GMEB2: variants seen among roughly 807,000 people sequenced by gnomAD.
GMEB2 encodes the protein glucocorticoid modulatory element-binding protein 2.
In GMEB2, 7 loss-of-function variants were observed where a neutral mutation model predicts 45.7. That is an observed-to-expected ratio of 0.15 (90% CI 0.09 to 0.29). The LOEUF (loss-of-function observed/expected upper bound fraction) is 0.29, where lower values mean the gene tolerates loss of function less well. Among genes scored for constraint, GMEB2 ranks in the 10% least tolerant of loss-of-function variants. The pLI, the probability that GMEB2 is intolerant of heterozygous loss-of-function variation, is 1.00. For missense variants in GMEB2, 582 were observed against 739.2 expected (o/e 0.79, Z 2.47); for synonymous variants, 322 against 323.6 (o/e 1.00, Z 0.05).
intron 2 of GMEB2, among the ~76,000 whole-genome samples, chr20:63,616,721 T>TCC (rs1481109945): frequency 6.6e-6 from 1 of 152,058 alleles, no homozygotes; most frequent in East Asian, 1.9e-4. Context: ...CCAAAAGATG[T>TCC]CCCACCCTCA....
chr20:63,611,291 G>C (rs944079029), intron 2 of GMEB2, among the ~76,000 whole-genome samples: 1 of 152,216 alleles, frequency 6.6e-6, no homozygotes, highest in African/African-American at 2.4e-5. Flanking sequence ...GGAAACCTTG[G>C]CAGGACCTTA....
At position 63,623,566 on chromosome 20, in the gene GMEB2, C is replaced by T. The variant is rs1361226252; in HGVS notation, c.-58+3390G>A. ...GTAATCCCAGCACTTTGGGAGGCCGCGGCGGGTGGATCATAAGGTCAGAAG... is the reference window on the plus strand; with the variant it reads ...GTAATCCCAGCACTTTGGGAGGCCGTGGCGGGTGGATCATAAGGTCAGAAG... On this transcript the variant is annotated intron_variant, in intron 1 of 9. Coordinates refer to ENST00000370077, the MANE Select transcript of GMEB2 (RefSeq NM_012384.5). Among the ~76,000 whole-genome samples the T allele has an allele frequency of 2.7e-5, 4 of 149,530 alleles. No homozygotes were observed. The East Asian group carries it at 8.0e-4, about 30-fold the overall frequency.
In GMEB2 at chr20:63,626,774, G is replaced by A. The variant is rs866129365; in HGVS notation, c.-58+182C>T. 2.2e-3 allele frequency among the ~76,000 whole-genome samples: 314 copies of A among 145,802 alleles called. 2 individuals are homozygous for A. Among genetic ancestry groups the A allele is most frequent in the African/African-American group, 7.6e-3 (306 of 40,512 alleles). On this transcript the variant is annotated intron_variant, in intron 1 of 9. Transcript: ENST00000370077. ...GCCCGCGCCCGCCACCGCCCGCGCCGCCCGCCTGACGCCGCCGTTGCGCCT... is the reference window on the plus strand; with the variant it reads ...GCCCGCGCCCGCCACCGCCCGCGCCACCCGCCTGACGCCGCCGTTGCGCCT...
rs562624795 is a variant in GMEB2, at chr20:63,593,532, G to C, written c.620-450C>G. On this transcript the variant is annotated intron_variant, in intron 6 of 9. Transcript: ENST00000370077. This position sits in a 1 kb window ranked among gnomAD's most constrained non-coding sequence, Gnocchi z 4.7. ...CCTCTTCAAGTGATGCTTCATTGAA[G>C]TCATCATAAATCTCAGTATCTATCA... is the stretch of plus-strand genomic sequence containing the variant. Among the ~76,000 whole-genome samples, 3 of 152,014 alleles carry C rather than the reference G, an allele frequency of 2.0e-5. No individual in the cohort carries two copies. Among genetic ancestry groups the C allele is most frequent in the African/African-American group, 7.2e-5 (3 of 41,452 alleles).
intron 2 of GMEB2, among the ~76,000 whole-genome samples, chr20:63,605,724 G>A (rs900739877): frequency 7.9e-5 from 12 of 151,860 alleles, no homozygotes; most frequent in Admixed American, 4.6e-4. Flanking sequence ...GGAGGCTGAG[G>A]CGGGCAGATC....
intron 1 of GMEB2, among the ~76,000 whole-genome samples, chr20:63,626,601 CGTCCCTGCGGGTCGGGTGCCTGCGGGGTG>C (rs1238150882): frequency 2.1e-5 from 3 of 144,400 alleles, no homozygotes; most frequent in Non-Finnish European, 3.1e-5. Context: ...CTGTGGGTCG[CGTCCCTGCGGGTCGGGTGCCTGCGGGGTG>C]GTCCCTGCGG....
At position 63,592,952 on chromosome 20, in the gene GMEB2, G is replaced by T; in HGVS notation, c.691+59C>A. ...GGAGCCCCTGTGTGGCCCGAGGTGG[G>T]CAGAGACTCCACCACCCCGCCAGGG... is the stretch of plus-strand genomic sequence containing the variant. On this transcript the variant is annotated intron_variant, in intron 7 of 9. Transcript: ENST00000370077. This position sits in a 1 kb window ranked among gnomAD's most constrained non-coding sequence, Gnocchi z 8.2. 8.5e-7 allele frequency: 1 copy of T among 1,174,762 alleles called. No homozygotes were observed. Among genetic ancestry groups the T allele is most frequent in the Non-Finnish European group, 1.3e-6 (1 of 797,822 alleles). The allele number at this position is 1,174,762 out of a possible 1,614,324, so 72.8% of individuals were successfully genotyped here.
At chr20:63,621,111 C>T (rs950880549) in intron 1 of GMEB2, among the ~76,000 whole-genome samples, 2 of 152,174 alleles carry the variant, frequency 1.3e-5, no homozygotes, top group Admixed American at 1.3e-4. Flanking sequence ...GCTGGAGGAT[C>T]GTTTGAGCCT....
chr20:63,597,716 G>A, intron 5 of GMEB2, 41 bp downstream of exon 5: 1 of 1,065,806 alleles, frequency 9.4e-7, no homozygotes, highest in Non-Finnish European at 1.5e-6. Flanking sequence ...AGCTGCCAGG[G>A]CCCCTTCCAG....
chr20:63,594,093 C>T (rs2083174399), intron 6 of GMEB2, among the ~76,000 whole-genome samples: 1 of 152,260 alleles, frequency 6.6e-6, no homozygotes, highest in South Asian at 2.1e-4. Context: ...TCATCAAAGA[C>T]ATGGCAGTGG....
chr20:63,591,440 G>A (rs957031806), intron 9 of GMEB2, among the ~76,000 whole-genome samples: 1 of 151,886 alleles, frequency 6.6e-6, no homozygotes, highest in Non-Finnish European at 1.5e-5. Flanking sequence ...AGCTCTGAGC[G>A]GGGTCAGGAC....
rs2083107129 is a variant in GMEB2, at chr20:63,587,809, G to A, written c.*2280C>T. ...CATGAAAACCCGTGTTCTGTACGTG[G>A]TTGAGAAGGTCCTCCTCTCTGAGTA... On this transcript the variant is annotated 3_prime_UTR_variant, in exon 10 of 10. Coordinates refer to ENST00000370077, the MANE Select transcript of GMEB2 (RefSeq NM_012384.5). 6.6e-6 allele frequency: 1 copy of A among 152,402 alleles called. No individual in the cohort carries two copies. The highest frequency in any genetic ancestry group is 1.9e-4 in the East Asian group (1 of 5,326). 9.4% of individuals were successfully genotyped at this position (152,402 alleles called of 1,614,324 possible).
Position 63,593,565 on chromosome 20 carries a change from AT to A in GMEB2, c.620-484del, listed in dbSNP as rs1436544535. On this transcript the variant is annotated intron_variant, in intron 6 of 9. Coordinates refer to ENST00000370077, the MANE Select transcript of GMEB2 (RefSeq NM_012384.5). This position sits in a 1 kb window ranked among gnomAD's most constrained non-coding sequence, Gnocchi z 4.7. Reference sequence around the variant, plus strand: ...AAATCTCAGTATCTATCATGTTTCCATTTTTCTACACCAGAACAAGTGGGGC... The same window carrying A: ...AAATCTCAGTATCTATCATGTTTCCATTTTCTACACCAGAACAAGTGGGGC... Among the ~76,000 whole-genome samples the A allele has an allele frequency of 2.0e-5, 3 of 151,714 alleles. No homozygotes were observed. Among genetic ancestry groups the A allele is most frequent in the African/African-American group, 7.3e-5 (3 of 41,240 alleles).
chr20:63,610,455 A>T (rs765689179), intron 2 of GMEB2, among the ~76,000 whole-genome samples: 1 of 152,162 alleles, frequency 6.6e-6, no homozygotes, highest in Non-Finnish European at 1.5e-5. Context: ...CGGGAGGTGG[A>T]GGTTACAGTG....
Position 63,592,686 on chromosome 20 carries a change from T to C in GMEB2, c.692-16A>G, listed in dbSNP as rs757687711. The C allele has an allele frequency of 6.2e-7, 1 of 1,608,674 alleles. No homozygotes were observed. The highest frequency in any genetic ancestry group is 8.5e-7 in the Non-Finnish European group (1 of 1,176,558). On this transcript the variant is annotated splice_polypyrimidine_tract_variant and intron_variant, in intron 7 of 9. Coordinates refer to ENST00000370077, the MANE Select transcript of GMEB2 (RefSeq NM_012384.5). The surrounding 1 kb of genome is among the most constrained non-coding windows in gnomAD (Gnocchi z 8.2). Reference sequence around the variant, plus strand: ...AATGTGTCATCTGTGAGGGAAGGAGTGGGTTCAGTGGGCAGGGAAAGTGCT... The same window carrying C: ...AATGTGTCATCTGTGAGGGAAGGAGCGGGTTCAGTGGGCAGGGAAAGTGCT...
At chr20:63,599,608 T>C (rs1415513657) in intron 4 of GMEB2, among the ~76,000 whole-genome samples, 1 of 152,238 alleles carries the variant, frequency 6.6e-6, no homozygotes, top group East Asian at 1.9e-4. Context: ...GGATTCTTGC[T>C]ACTGAGCGAT....
intron 1 of GMEB2, among the ~76,000 whole-genome samples, chr20:63,624,262 C>CAAA (rs555361048): frequency 7.5e-6 from 1 of 133,292 alleles, no homozygotes. Context: ...ACTAAAAATA[C>CAAA]AAAAAAAAAA....
Position 63,590,120 on chromosome 20 carries a change from G to T in GMEB2, c.1562C>A (p.Ala521Asp), listed in dbSNP as rs1259862391. 1 of 1,521,902 alleles carries T rather than the reference G, an allele frequency of 6.6e-7. No homozygotes were observed. 94.3% of individuals were successfully genotyped at this position (1,521,902 alleles called of 1,614,324 possible). A position where few individuals can be genotyped will look rare whatever the true frequency, so the allele number is the denominator to read the frequency against. ...PEEHTATIEV[A>D]AMAEDHERK is the part of the protein sequence containing the mutation. ...CCGCTCGTGGTCCTCTGCCATGGCA[G>T]CCACCTCAATGGTGGCCGTGTGCTC... Residue 521 changes from alanine (A) to aspartate (D), a missense_variant, in exon 10 of 10, where the codon GCT becomes GAT. This residue lies in a region of GMEB2 where 462 missense variants were observed against 586.7 expected (regional missense o/e 0.79). Coordinates refer to ENST00000370077, the MANE Select transcript of GMEB2 (RefSeq NM_012384.5).
At chr20:63,604,612 G>A (rs969029910) in intron 3 of GMEB2, 131 bp downstream of exon 3, 2 of 665,680 alleles carry the variant, frequency 3.0e-6, no homozygotes, top group Non-Finnish European at 5.5e-6. Context: ...TCACTCCTAA[G>A]GGCACACAGC....
Sources: gnomAD v4.1 joint callset for allele counts (sites outside exome capture counted in the v4.1 genomes callset) on GRCh38, gnomAD v4.1.1 for gene constraint, gnomAD v4.1.1 regional missense constraint, Gnocchi (gnomAD v3.1) non-coding constraint, MANE v1.5 for transcripts, NCBI Gene and HGNC (gene_info 2026-07-23, HGNC 2026-07-21) for gene names.